Variants in RABGAP1L observed in about 807,000 individuals in gnomAD.
RABGAP1L encodes rab GTPase-activating protein 1-like.
A neutral mutation model predicts 137.7 loss-of-function variants in RABGAP1L; 63 were observed. That is an observed-to-expected ratio of 0.46 (90% CI 0.37 to 0.56). RABGAP1L has a LOEUF of 0.56. Among genes scored for constraint, RABGAP1L ranks in the 20% least tolerant of loss-of-function variants. RABGAP1L has a pLI of 0.00. For synonymous variants in RABGAP1L, 431 were observed against 433.7 expected (o/e 0.99, Z 0.08); for missense variants, 1,095 against 1,244.0 (o/e 0.88, Z 1.80).
At position 174,770,599 on chromosome 1, in the gene RABGAP1L, A is replaced by C. The variant is rs371954646; in HGVS notation, c.2211+18245A>C. On this transcript the variant is annotated intron_variant, in intron 18 of 25. Coordinates refer to ENST00000681986, the MANE Select transcript of RABGAP1L (RefSeq NM_001366446.1). ...AATACAAGCTCCCTTGACAGAGAAC[A>C]AACAGAACAAAAAAATCCAGTTTCC... Among the ~76,000 whole-genome samples the C allele has an allele frequency of 1.6e-3, 244 of 152,362 alleles. 3 individuals carry two copies. Among genetic ancestry groups the C allele is most frequent in the African/African-American group, 5.6e-3 (231 of 41,580 alleles).
intron 11 of RABGAP1L, among the ~76,000 whole-genome samples, chr1:174,315,934 T>C (rs1476913711): frequency 1.3e-5 from 2 of 152,172 alleles, no homozygotes; most frequent in Non-Finnish European, 2.9e-5. Context: ...CTTATTCTTT[T>C]TCTTTTTGGC....
chr1:174,909,732 G>T (rs78692905), intron 19 of RABGAP1L, among the ~76,000 whole-genome samples: 5,957 of 152,202 alleles, frequency 0.039, 405 homozygotes, highest in African/African-American at 0.13. Flanking sequence ...ACAAAGCATC[G>T]TTAGAGACTG....
intron 14 of RABGAP1L, among the ~76,000 whole-genome samples, chr1:174,679,011 A>G (rs912943534): frequency 2.4e-4 from 36 of 152,294 alleles, no homozygotes; most frequent in African/African-American, 7.7e-4. Flanking sequence ...GTGCAGTTGC[A>G]AGATTTAAGA....
At chr1:174,912,671 GA>G (rs1222854373) in intron 19 of RABGAP1L, among the ~76,000 whole-genome samples, 5 of 152,166 alleles carry the variant, frequency 3.3e-5, no homozygotes, top group Non-Finnish European at 2.9e-5. Context: ...GTCTCTTTTA[GA>G]TTGTCAGAAA....
At chr1:174,714,227 C>T (rs187939900) in intron 17 of RABGAP1L, among the ~76,000 whole-genome samples, 14 of 152,244 alleles carry the variant, frequency 9.2e-5, no homozygotes, top group Admixed American at 2.0e-4. Flanking sequence ...ACTACTCACT[C>T]TACCTTGCTA....
At chr1:174,497,137 T>C (rs1660815875) in intron 13 of RABGAP1L, among the ~76,000 whole-genome samples, 1 of 152,194 alleles carries the variant, frequency 6.6e-6, no homozygotes, top group African/African-American at 2.4e-5. Context: ...ATTTTTTCTA[T>C]TAGCTTTAAT....
chr1:174,693,261 C>A (rs1041431453), intron 15 of RABGAP1L, among the ~76,000 whole-genome samples: 2 of 152,204 alleles, frequency 1.3e-5, no homozygotes, highest in Non-Finnish European at 2.9e-5. Context: ...GAATACATTC[C>A]TAACTCTTTA....
At chr1:174,653,746 A>G (rs1394573807) in intron 14 of RABGAP1L, among the ~76,000 whole-genome samples, 1 of 152,238 alleles carries the variant, frequency 6.6e-6, no homozygotes, top group Non-Finnish European at 1.5e-5. Context: ...TATTTTGAAC[A>G]ATATCTGATT....
rs1679762465 is a variant in RABGAP1L at position 174,702,890 on chromosome 1, T to C, written c.2169+634T>C. ...AAAGAAATAAACAGTATTATGCATATATATGGCTTATATTGGTCATCAAAA... is the reference window on the plus strand; with the variant it reads ...AAAGAAATAAACAGTATTATGCATACATATGGCTTATATTGGTCATCAAAA... On this transcript the variant is annotated intron_variant, in intron 17 of 25. Coordinates refer to ENST00000681986, the MANE Select transcript of RABGAP1L (RefSeq NM_001366446.1). 2.6e-5 allele frequency among the ~76,000 whole-genome samples: 4 copies of C among 152,222 alleles called. No individual in the cohort carries two copies. The South Asian group carries it at 6.2e-4, about 24-fold the overall frequency.
intron 19 of RABGAP1L, among the ~76,000 whole-genome samples, chr1:174,838,385 C>G (rs1333339397): frequency 3.9e-5 from 6 of 152,122 alleles, no homozygotes; most frequent in African/African-American, 1.4e-4. Context: ...TAGCTAGATA[C>G]ATATAGATGG....
intron 16 of RABGAP1L, chr1:174,700,358 G>C (rs1238309527): frequency 6.6e-6 from 1 of 152,102 alleles, no homozygotes; most frequent in Non-Finnish European, 1.5e-5. Context: ...TGTTTAAAAG[G>C]GGTTTTGGGA....
chr1:174,642,751 C>T (rs1254387814), intron 14 of RABGAP1L, among the ~76,000 whole-genome samples: 1 of 134,064 alleles, frequency 7.5e-6, no homozygotes, highest in Non-Finnish European at 1.6e-5. Flanking sequence ...CCCCCTCTCC[C>T]CTTCTTCCCC....
chr1:174,564,483 A>G (rs1360541291), intron 13 of RABGAP1L, among the ~76,000 whole-genome samples: 1 of 152,206 alleles, frequency 6.6e-6, no homozygotes, highest in Non-Finnish European at 1.5e-5. Context: ...ACAGTTGTGT[A>G]TAGTGAAACA....
intron 13 of RABGAP1L, among the ~76,000 whole-genome samples, chr1:174,521,006 A>G (rs1233825286): frequency 6.6e-6 from 1 of 152,210 alleles, no homozygotes; most frequent in Non-Finnish European, 1.5e-5. Context: ...TTGCAAAAAA[A>G]CAGTGTTTTA....
chr1:174,694,516 A>G (rs1193582412), intron 15 of RABGAP1L, among the ~76,000 whole-genome samples: 10 of 151,520 alleles, frequency 6.6e-5, no homozygotes, highest in Non-Finnish European at 1.5e-4. Flanking sequence ...ATGTCCCTAC[A>G]AAGGACATGA....
At chr1:174,816,951 G>C (rs776662454) in intron 19 of RABGAP1L, among the ~76,000 whole-genome samples, 1 of 151,944 alleles carries the variant, frequency 6.6e-6, no homozygotes, top group Non-Finnish European at 1.5e-5. Context: ...GGATAGTCTC[G>C]ATCTCCTGAT....
chr1:174,796,119 G>A (rs1344207111), intron 18 of RABGAP1L, among the ~76,000 whole-genome samples: 5 of 152,264 alleles, frequency 3.3e-5, no homozygotes, highest in East Asian at 1.9e-4. Context: ...TAGTTAAATC[G>A]GAAGAGTTTC....
intron 4 of RABGAP1L, among the ~76,000 whole-genome samples, chr1:174,232,373 T>C (rs547974607): frequency 6.6e-6 from 1 of 151,580 alleles, no homozygotes; most frequent in South Asian, 2.1e-4. Context: ...TAATCCCAGC[T>C]GCTTGGGAGG....
intron 13 of RABGAP1L, among the ~76,000 whole-genome samples, chr1:174,481,405 T>C (rs996345352): frequency 2.0e-5 from 3 of 152,162 alleles, no homozygotes; most frequent in Non-Finnish European, 4.4e-5. Context: ...TTTTCTACTT[T>C]CCCTCCATTT....
Sources: allele counts gnomAD v4.1 joint callset (sites outside exome capture counted in the v4.1 genomes callset), GRCh38; gene constraint gnomAD v4.1.1; transcripts MANE v1.5; gene names NCBI Gene and HGNC (gene_info 2026-07-23, HGNC 2026-07-21).